TNFRSF11A: variants seen among roughly 807,000 people sequenced by gnomAD.
TNFRSF11A encodes the protein tumor necrosis factor receptor superfamily member 11A.
TNFRSF11A carries 32 observed loss-of-function variants against 55.7 expected under a neutral mutation model. The ratio of observed to expected loss-of-function variants is 0.57; its 90% CI spans 0.43 to 0.77. The LOEUF (loss-of-function observed/expected upper bound fraction) is 0.77, where lower values mean the gene tolerates loss of function less well. Ranked by LOEUF, TNFRSF11A falls within the 30% of genes least tolerant of loss-of-function variation. TNFRSF11A has a pLI of 0.00. For synonymous variants in TNFRSF11A, 311 were observed against 331.0 expected (o/e 0.94, Z 0.65); for missense variants, 753 against 809.8 (o/e 0.93, Z 0.85).
At chr18:62,366,860 T>G in intron 8 of TNFRSF11A, 100 bp downstream of exon 8, 2 of 1,169,604 alleles carry the variant, frequency 1.7e-6, no homozygotes, top group Non-Finnish European at 2.5e-6. Context: ...CCACCCCCAC[T>G]TTTTTTGAGA....
chr18:62,390,924 C>T lies in TNFRSF11A; in HGVS notation c.*5890C>T, dbSNP rs986811813. Reference sequence around the variant, plus strand: ...AGATATATAGTTTTATGAGTTTTAACAAAAATACATAGTTGTGTAACCACC... The same window carrying T: ...AGATATATAGTTTTATGAGTTTTAATAAAAATACATAGTTGTGTAACCACC... On this transcript the variant is annotated 3_prime_UTR_variant, in exon 10 of 10. Transcript: ENST00000586569. 3.3e-5 allele frequency: 5 copies of T among 152,122 alleles called. No individual in the cohort carries two copies. Among genetic ancestry groups the T allele is most frequent in the Admixed American group, 1.3e-4 (2 of 15,268 alleles). The allele number at this position is 152,122 out of a possible 1,614,324, so 9.4% of individuals were successfully genotyped here.
At chr18:62,328,014 TG>T (rs2046099355) in intron 1 of TNFRSF11A, among the ~76,000 whole-genome samples, 3 of 152,382 alleles carry the variant, frequency 2.0e-5, no homozygotes, top group Middle Eastern at 3.4e-3. Context: ...CATGTTTATC[TG>T]GGGTTATAAG....
At chr18:62,358,445 T>G (rs1836500717) in intron 5 of TNFRSF11A, 104 bp downstream of exon 5, 1 of 1,153,292 alleles carries the variant, frequency 8.7e-7, no homozygotes, top group African/African-American at 1.5e-5. Context: ...TGGGTTAGGC[T>G]TCCTCTTGAA....
chr18:62,380,435 A>ATTTT (rs577681535), intron 9 of TNFRSF11A, among the ~76,000 whole-genome samples: 3 of 136,350 alleles, frequency 2.2e-5, no homozygotes, highest in African/African-American at 5.6e-5. Context: ...ACGGTCAGGA[A>ATTTT]TTTTTTTTTT....
At chr18:62,360,520 C>T (rs1909603194) in intron 6 of TNFRSF11A, among the ~76,000 whole-genome samples, 2 of 151,598 alleles carry the variant, frequency 1.3e-5, no homozygotes, top group Non-Finnish European at 2.9e-5. Context: ...GATATCAGCT[C>T]ACTGCAACCT....
Position 62,386,009 on chromosome 18 carries a change from T to C in TNFRSF11A, c.*975T>C, listed in dbSNP as rs958785660. 1 of 152,226 alleles carries C rather than the reference T, an allele frequency of 6.6e-6. No individual in the cohort carries two copies. Among genetic ancestry groups the C allele is most frequent in the African/African-American group, 2.4e-5 (1 of 41,472 alleles). The allele number at this position is 152,226 out of a possible 1,614,324, so 9.4% of individuals were successfully genotyped here. A position where few individuals can be genotyped will look rare whatever the true frequency, so the allele number is the denominator to read the frequency against. ...AAAAGGAAACCCGATTTATTTCTCC[T>C]GAATCTTTTTAAGTTTGTGTCGTTC... On this transcript the variant is annotated 3_prime_UTR_variant, in exon 10 of 10. Transcript: ENST00000586569.
intron 1 of TNFRSF11A, among the ~76,000 whole-genome samples, chr18:62,342,425 A>AAAAAAAAAAAAC (rs2046327226): frequency 6.9e-6 from 1 of 144,346 alleles, no homozygotes; most frequent in African/African-American, 2.6e-5. Context: ...AAAAAAAAAA[A>AAAAAAAAAAAAC]TCCTATATTC....
At chr18:62,366,191 G>A (rs920074422) in intron 7 of TNFRSF11A, among the ~76,000 whole-genome samples, 4 of 152,146 alleles carry the variant, frequency 2.6e-5, no homozygotes, top group African/African-American at 4.8e-5. Flanking sequence ...AAAGACTTGC[G>A]GTGGACTCTG....
chr18:62,365,084 C>A (rs1909977065), intron 7 of TNFRSF11A, among the ~76,000 whole-genome samples: 1 of 152,192 alleles, frequency 6.6e-6, no homozygotes, highest in Non-Finnish European at 1.5e-5. Context: ...CCTCAGCCCC[C>A]CAAGTAGCTG....
At chr18:62,342,641 T>G (rs982699547) in intron 1 of TNFRSF11A, among the ~76,000 whole-genome samples, 5 of 151,866 alleles carry the variant, frequency 3.3e-5, no homozygotes, top group African/African-American at 1.2e-4. Context: ...AAAATAGAGA[T>G]AAATTTAGCT....
rs1244875035 is a variant in TNFRSF11A, at chr18:62,389,242, G to A, written c.*4208G>A. 1 of 152,302 alleles carries A rather than the reference G, an allele frequency of 6.6e-6. No individual in the cohort carries two copies. The highest frequency in any genetic ancestry group is 2.4e-5 in the African/African-American group (1 of 41,440). The allele number at this position is 152,302 out of a possible 1,614,324, so 9.4% of individuals were successfully genotyped here. ...CTCCAAGCGCCAGAGGAGGCTTCTG[G>A]GAAGGGGCTGTCTGTGGAATTTCTG... On this transcript the variant is annotated 3_prime_UTR_variant, in exon 10 of 10. Transcript: ENST00000586569.
chr18:62,366,842 A>ACCC (rs34939126), intron 8 of TNFRSF11A, 82 bp downstream of exon 8: 4 of 1,186,626 alleles, frequency 3.4e-6, no homozygotes, highest in Non-Finnish European at 4.9e-6. Context: ...CATATTGAGC[A>ACCC]CCCCCCCCCA....
chr18:62,382,940 A>G (rs1258042482), intron 9 of TNFRSF11A, among the ~76,000 whole-genome samples: 1 of 152,154 alleles, frequency 6.6e-6, no homozygotes, highest in East Asian at 1.9e-4. Flanking sequence ...TGATGAGTTT[A>G]TCTGGTGACA....
intron 9 of TNFRSF11A, 123 bp downstream of exon 9, chr18:62,369,607 T>C: frequency 7.9e-7 from 1 of 1,265,022 alleles, no homozygotes; most frequent in South Asian, 1.3e-5. Flanking sequence ...TTGTGCTTTT[T>C]CTCTTAATAA....
chr18:62,371,138 T>A (rs927245118), intron 9 of TNFRSF11A, among the ~76,000 whole-genome samples: 9 of 152,202 alleles, frequency 5.9e-5, no homozygotes, highest in Non-Finnish European at 1.2e-4. Flanking sequence ...CCTGTTCTAT[T>A]TCTTTTCTCT....
chr18:62,368,806 G>A lies in TNFRSF11A; in HGVS notation c.889G>A (p.Glu297Lys). Residue 297 changes from glutamate (E) to lysine (K), a missense_variant, in exon 9 of 10, where the codon GAA (glutamate) becomes AAA (lysine). Physicochemically the swap from Glu to Lys is moderately conservative, Grantham distance 56. This residue lies in a region of TNFRSF11A where 567 missense variants were observed against 596.7 expected (regional missense o/e 0.95). Transcript: ENST00000586569. Reference sequence around the variant, plus strand: ...GACTCTGGAGGAGAAGACATTTCCAGAAGATATGTGCTACCCAGATCAAGG... The same window carrying A: ...GACTCTGGAGGAGAAGACATTTCCAAAAGATATGTGCTACCCAGATCAAGG... ...LLTLEEKTFP[E>K]DMCYPDQGGV... 1 of 1,614,246 alleles carries A rather than the reference G, an allele frequency of 6.2e-7. No individual in the cohort carries two copies. Among genetic ancestry groups the A allele is most frequent in the Non-Finnish European group, 8.5e-7 (1 of 1,180,046 alleles).
intron 6 of TNFRSF11A, among the ~76,000 whole-genome samples, chr18:62,361,038 C>T (rs1456985268): frequency 6.6e-6 from 1 of 152,052 alleles, no homozygotes; most frequent in African/African-American, 2.4e-5. Context: ...TTTTAAAGAC[C>T]ATTTGGCAGA....
chr18:62,371,064 A>T (rs1266860996), intron 9 of TNFRSF11A, among the ~76,000 whole-genome samples: 2 of 152,204 alleles, frequency 1.3e-5, no homozygotes, highest in Non-Finnish European at 2.9e-5. Flanking sequence ...GCCTGACCTC[A>T]GGTGATCCAC....
At chr18:62,349,427 C>A (rs1033233007) in intron 2 of TNFRSF11A, among the ~76,000 whole-genome samples, 1 of 152,172 alleles carries the variant, frequency 6.6e-6, no homozygotes, top group Non-Finnish European at 1.5e-5. Flanking sequence ...GTGATCCGCC[C>A]GTCTCCGCCT....
Sources: gnomAD v4.1 joint callset for allele counts (sites outside exome capture counted in the v4.1 genomes callset) on GRCh38, gnomAD v4.1.1 for gene constraint, gnomAD v4.1.1 regional missense constraint, MANE v1.5 for transcripts, NCBI Gene and HGNC (gene_info 2026-07-23, HGNC 2026-07-21) for gene names.